The following LRRIQ3 variants were observed in gnomAD, a reference collection of about 807,000 sequenced individuals.
LRRIQ3 encodes leucine-rich repeat and IQ domain-containing protein 3.
A neutral mutation model predicts 59.3 loss-of-function variants in LRRIQ3; 75 were observed. That is an observed-to-expected ratio of 1.26 (90% CI 1.05 to 1.53). The LOEUF (loss-of-function observed/expected upper bound fraction) is 1.53. Among genes scored for constraint, LRRIQ3 ranks in the 40% most tolerant of loss-of-function variants. The pLI is 0.00. For missense variants in LRRIQ3, 831 were observed against 710.0 expected (o/e 1.17, Z -1.94); for synonymous variants, 250 against 231.3 (o/e 1.08, Z -0.73).
At chr1:74,194,047 T>C (rs1175213484) in intron 1 of LRRIQ3, among the ~76,000 whole-genome samples, 1 of 152,156 alleles carries the variant, frequency 6.6e-6, no homozygotes, top group African/African-American at 2.4e-5. Flanking sequence ...ATAACAGATT[T>C]GTTAAGTAAC....
chr1:74,126,775 C>G (rs1646941712), intron 4 of LRRIQ3, among the ~76,000 whole-genome samples: 1 of 151,908 alleles, frequency 6.6e-6, no homozygotes, highest in Non-Finnish European at 1.5e-5. Flanking sequence ...AATATATGGT[C>G]TATCCCTGAG....
At chr1:74,183,772 C>A (rs924657258) in intron 1 of LRRIQ3, 88 bp from the exon 2 acceptor site, 1 of 1,163,138 alleles carries the variant, frequency 8.6e-7, no homozygotes, top group Non-Finnish European at 1.2e-6. Context: ...AGAGATAGCG[C>A]AAGTAAAAAG....
chr1:74,087,772 G>A (rs1020912758), intron 5 of LRRIQ3, among the ~76,000 whole-genome samples: 5 of 151,824 alleles, frequency 3.3e-5, no homozygotes, highest in African/African-American at 4.8e-5. Flanking sequence ...CTGTGTGGCC[G>A]AACAGTGGGA....
chr1:74,093,578 T>C (rs1453020087), intron 5 of LRRIQ3, among the ~76,000 whole-genome samples: 3 of 152,210 alleles, frequency 2.0e-5, no homozygotes, highest in South Asian at 2.1e-4. Context: ...AATATAACGA[T>C]TGGAATTAAG....
Position 74,042,051 on chromosome 1 carries a change from T to C in LRRIQ3, c.998-118A>G, listed in dbSNP as rs1570013593. The C allele has an allele frequency of 4.9e-6, 5 of 1,024,698 alleles. No individual in the cohort carries two copies. In the East Asian group the frequency reaches 1.5e-4, roughly 30 times the overall value. 63.5% of individuals were successfully genotyped at this position (1,024,698 alleles called of 1,614,324 possible). ...TTTTATTTACTTTACTAAGAAGAAT[T>C]TTTCCCAAGTACCTTTTCAACTTGT... On this transcript the variant is annotated intron_variant, in intron 6 of 7. Coordinates refer to ENST00000354431, the MANE Select transcript of LRRIQ3 (RefSeq NM_001105659.2).
chr1:74,172,750 T>C (rs1387877249), intron 3 of LRRIQ3, among the ~76,000 whole-genome samples: 1 of 152,202 alleles, frequency 6.6e-6, no homozygotes, highest in Non-Finnish European at 1.5e-5. Context: ...TAATTTAATG[T>C]TGAGTGCAAA....
chr1:74,093,008 C>T (rs1018103091), intron 5 of LRRIQ3, among the ~76,000 whole-genome samples: 3 of 151,940 alleles, frequency 2.0e-5, no homozygotes, highest in African/African-American at 7.2e-5. Context: ...AGTGAAAGAT[C>T]AGAAGCTTCA....
At chr1:74,120,766 A>G (rs1646843818) in intron 4 of LRRIQ3, among the ~76,000 whole-genome samples, 1 of 152,058 alleles carries the variant, frequency 6.6e-6, no homozygotes, top group Admixed American at 6.6e-5. Context: ...AATTATTTTT[A>G]TTAGAAAGAG....
intron 4 of LRRIQ3, among the ~76,000 whole-genome samples, chr1:74,117,833 A>G (rs773269418): frequency 6.6e-6 from 1 of 152,124 alleles, no homozygotes; most frequent in Non-Finnish European, 1.5e-5. Flanking sequence ...TAAAAATATA[A>G]TTCTATATAT....
At chr1:74,076,327 A>T (rs1348005717) in intron 5 of LRRIQ3, among the ~76,000 whole-genome samples, 2 of 152,114 alleles carry the variant, frequency 1.3e-5, no homozygotes, top group Non-Finnish European at 2.9e-5. Flanking sequence ...ATCATTTGCT[A>T]TTGTGAAGTT....
In LRRIQ3 at chr1:74,074,661, C is replaced by A; in HGVS notation, c.997G>T (p.Gly333Cys). The change falls in exon 6 of 8, where the codon GGT becomes TGT. Residue 333 changes from glycine (G) to cysteine (C), a missense_variant and splice_region_variant. Transcript: ENST00000354431. ...ATAATTAAAAATTCATATAACTAAC[C>A]TTTTTGAATGAGATGTCTTGATGTT... ...SKTSRHLIQK[G>C]QESEDEIVDE... 7.6e-7 allele frequency: 1 copy of A among 1,317,044 alleles called. No homozygotes were observed. Among genetic ancestry groups the A allele is most frequent in the Non-Finnish European group, 1.0e-6 (1 of 1,003,234 alleles). The allele number at this position is 1,317,044 out of a possible 1,614,324, so 81.6% of individuals were successfully genotyped here. A position where few individuals can be genotyped will look rare whatever the true frequency, so the allele number is the denominator to read the frequency against.
intron 6 of LRRIQ3, among the ~76,000 whole-genome samples, chr1:74,049,831 C>T (rs1286522782): frequency 6.6e-6 from 1 of 151,574 alleles, no homozygotes; most frequent in Non-Finnish European, 1.5e-5. Context: ...AAAATAAAAT[C>T]ATTTTGAACA....
chr1:74,177,585 T>G (rs576481844), intron 3 of LRRIQ3, among the ~76,000 whole-genome samples: 1 of 152,240 alleles, frequency 6.6e-6, no homozygotes, highest in Admixed American at 6.6e-5. Flanking sequence ...TCTTTACCTT[T>G]TTAGTCTCCT....
At chr1:74,195,099 G>C (rs1651020457) in intron 1 of LRRIQ3, among the ~76,000 whole-genome samples, 1 of 152,064 alleles carries the variant, frequency 6.6e-6, no homozygotes, top group African/African-American at 2.4e-5. Context: ...GGGGTGTGAG[G>C]GTTCCTCCAA....
chr1:74,164,125 C>T (rs1301710860), intron 3 of LRRIQ3, among the ~76,000 whole-genome samples: 1 of 150,104 alleles, frequency 6.7e-6, no homozygotes, highest in Non-Finnish European at 1.5e-5. Context: ...GTATGTGTGT[C>T]TGTGTGTGTG....
intron 5 of LRRIQ3, among the ~76,000 whole-genome samples, chr1:74,092,624 TTTATTTAAGTC>T (rs1646406964): frequency 1.3e-5 from 2 of 152,058 alleles, no homozygotes; most frequent in South Asian, 4.1e-4. Context: ...ACTTGTAGCT[TTTATTTAAGTC>T]TTTTGAGAGA....
At chr1:74,156,918 A>G (rs1648366290) in intron 3 of LRRIQ3, among the ~76,000 whole-genome samples, 1 of 152,084 alleles carries the variant, frequency 6.6e-6, no homozygotes, top group Non-Finnish European at 1.5e-5. Flanking sequence ...TGACAATTGC[A>G]TTGTTCATGA....
Position 74,183,629 on chromosome 1 carries a change from T to A in LRRIQ3, c.56A>T (p.Tyr19Phe). 1.2e-6 allele frequency: 2 copies of A among 1,611,596 alleles called. No individual in the cohort carries two copies. Among genetic ancestry groups the A allele is most frequent in the South Asian group, 1.1e-5 (1 of 90,858 alleles). ...ELTSHEEWSH[Y>F]NENIREGQKD... ...TTGACCTTCTCTTATGTTTTCATTA[T>A]AGTGACTCCATTCTTCATGACTGGT... Residue 19 changes from tyrosine (Y) to phenylalanine (F), a missense_variant, in exon 2 of 8, where the codon TAT (tyrosine) becomes TTT (phenylalanine). Physicochemically the swap from Tyr to Phe is conservative, Grantham distance 22. Coordinates refer to ENST00000354431, the MANE Select transcript of LRRIQ3 (RefSeq NM_001105659.2).
chr1:74,146,394 A>G (rs543155907), intron 4 of LRRIQ3, among the ~76,000 whole-genome samples: 3 of 152,130 alleles, frequency 2.0e-5, no homozygotes, highest in Non-Finnish European at 4.4e-5. Context: ...AACTCCACAA[A>G]GGCAGTGAAT....
Sources: gnomAD v4.1 joint callset for allele counts (sites outside exome capture counted in the v4.1 genomes callset) on GRCh38, gnomAD v4.1.1 for gene constraint, MANE v1.5 for transcripts, NCBI Gene and HGNC (gene_info 2026-07-23, HGNC 2026-07-21) for gene names.